Variants in DYSF observed in about 807,000 individuals in gnomAD.
DYSF encodes the protein dysferlin, also known as dystrophy-associated fer-1-like 1.
Under a neutral mutation model 274.9 loss-of-function variants are expected in DYSF, and 212 were observed. The observed-to-expected ratio is 0.77, with a 90% CI of 0.69 to 0.86. The LOEUF (loss-of-function observed/expected upper bound fraction) is 0.86. Ranked by LOEUF, DYSF falls within the 40% of genes least tolerant of loss-of-function variation. DYSF has a pLI of 0.00. For missense variants in DYSF, 2,666 were observed against 2,783.2 expected (o/e 0.96, Z 0.95); for synonymous variants, 1,091 against 1,078.7 (o/e 1.01, Z -0.22).
At chr2:71,570,809 A>G (rs2092375873) in intron 29 of DYSF, 68 bp downstream of exon 29, 2 of 1,599,198 alleles carry the variant, frequency 1.3e-6, no homozygotes, top group Non-Finnish European at 1.7e-6. Flanking sequence ...ACAGATGCAG[A>G]CCTGCATGCC....
intron 4 of DYSF, 56 bp downstream of exon 4, chr2:71,503,375 C>T: frequency 1.9e-6 from 3 of 1,559,908 alleles, no homozygotes; most frequent in Non-Finnish European, 1.8e-6. Context: ...CAGGTGGCTT[C>T]CTCTTTGGGC....
At chr2:71,546,811 G>T (rs1450353496) in intron 17 of DYSF, among the ~76,000 whole-genome samples, 1 of 152,262 alleles carries the variant, frequency 6.6e-6, no homozygotes, top group East Asian at 1.9e-4. Context: ...CGAGAGTCAG[G>T]CAGCCAGCCG....
rs1185823793 is a variant in DYSF, at chr2:71,569,917, G to A, written c.2962G>A (p.Asp988Asn). 2 of 1,613,986 alleles carry A rather than the reference G, an allele frequency of 1.2e-6. No homozygotes were observed. Among genetic ancestry groups the A allele is most frequent in the Non-Finnish European group, 1.7e-6 (2 of 1,180,022 alleles). ...LPGGQWIYMS[D>N]NYTDVNGEKV... ...CGGAGGCCAGTGGATCTACATGAGT[G>A]ACAACTACACCGATGTGGTAAAGCA... Residue 988 changes from aspartate to asparagine, a missense_variant, in exon 27 of 56, where the codon GAC (aspartate) becomes AAC (asparagine). Asp to Asn is a conservative substitution (Grantham distance 23, BLOSUM62 1). Around this residue, in one of 3 missense-constraint regions of DYSF, gnomAD observed 1,460 missense variants for 1,502.1 expected, o/e 0.97. Transcript: ENST00000410020.
At position 71,513,825 on chromosome 2, in the gene DYSF, A is replaced by G. The variant is rs1225760969; in HGVS notation, c.663A>G (p.Leu221=). The change falls in exon 7 of 56, where the codon CTA becomes CTG. Residue 221 remains leucine, a synonymous_variant. Transcript: ENST00000410020. ...GPGAPTTPRK[L]PSRPPPHYPG... is the part of the protein sequence containing the mutation. ...GGGCTCCCACCACCCCAAGGAAACTACCTTCACGTCCTCCGCCCCACTACC... is the reference window on the plus strand; with the variant it reads ...GGGCTCCCACCACCCCAAGGAAACTGCCTTCACGTCCTCCGCCCCACTACC... The G allele has an allele frequency of 1.9e-6, 3 of 1,614,168 alleles. No homozygotes were observed. Among genetic ancestry groups the G allele is most frequent in the Non-Finnish European group, 1.7e-6 (2 of 1,180,016 alleles).
intron 11 of DYSF, 47 bp from the exon 12 acceptor site, chr2:71,520,742 T>C (rs1321955605): frequency 6.4e-7 from 1 of 1,573,184 alleles, no homozygotes; most frequent in Non-Finnish European, 8.7e-7. Flanking sequence ...GGCCACAGCC[T>C]GGGGTCTTCT....
chr2:71,559,856 C>T (rs10189555), intron 22 of DYSF, among the ~76,000 whole-genome samples: 5,619 of 152,324 alleles, frequency 0.037, 142 homozygotes, highest in Middle Eastern at 0.065. Context: ...GCATCCAGTC[C>T]AAGCCCAGGG....
intron 3 of DYSF, among the ~76,000 whole-genome samples, chr2:71,499,484 T>C (rs1179988736): frequency 1.3e-5 from 2 of 152,268 alleles, no homozygotes; most frequent in East Asian, 3.8e-4. Context: ...TTGTGCTTTA[T>C]TAAAATAAAT....
intron 12 of DYSF, among the ~76,000 whole-genome samples, chr2:71,523,394 A>G (rs988321433): frequency 1.3e-5 from 2 of 152,216 alleles, no homozygotes; most frequent in Non-Finnish European, 2.9e-5. Context: ...AATGCTGTCC[A>G]GCTAAAAATT....
chr2:71,464,310 A>G (rs2081406632), upstream of DYSF, among the ~76,000 whole-genome samples: 1 of 152,266 alleles, frequency 6.6e-6, no homozygotes, highest in Non-Finnish European at 1.5e-5. Context: ...AGTGGACAAA[A>G]CAGACAAAAA....
At chr2:71,526,402 TGG>T in intron 13 of DYSF, 56 bp downstream of exon 13, 102 of 520,502 alleles carry the variant, frequency 2.0e-4, no homozygotes, top group East Asian at 1.5e-3. Flanking sequence ...GGCGCAGGGC[TGG>T]TGGGGGTGGG....
At chr2:71,470,673 CAAAA>C (rs776955310) in intron 1 of DYSF, among the ~76,000 whole-genome samples, 1 of 57,704 alleles carries the variant, frequency 1.7e-5, no homozygotes, top group African/African-American at 8.2e-5. Flanking sequence ...GACTCCATCT[CAAAA>C]AAAAAAAAAA....
At chr2:71,673,627 A>G (rs2095168875) in intron 51 of DYSF, among the ~76,000 whole-genome samples, 2 of 152,192 alleles carry the variant, frequency 1.3e-5, no homozygotes, top group East Asian at 3.9e-4. Flanking sequence ...CCCCACCCTG[A>G]CCCTGAGATG....
intron 55 of DYSF, 66 bp from the exon 56 acceptor site, chr2:71,686,388 C>T (rs925387593): frequency 6.3e-7 from 1 of 1,598,652 alleles, no homozygotes; most frequent in Non-Finnish European, 8.6e-7. Flanking sequence ...AGGTCTGGGA[C>T]AGCTGCTCTG....
At position 71,669,207 on chromosome 2, in the gene DYSF, G is replaced by T; in HGVS notation, c.5642G>T (p.Gly1881Val). 1 of 1,603,562 alleles carries T rather than the reference G, an allele frequency of 6.2e-7. No individual in the cohort carries two copies. Among genetic ancestry groups the T allele is most frequent in the Non-Finnish European group, 8.5e-7 (1 of 1,174,884 alleles). The change falls in exon 50 of 56, where the codon GGT becomes GTT. Residue 1881 changes from glycine (G) to valine (V), a missense_variant and splice_region_variant. Coordinates refer to ENST00000410020, the MANE Select transcript of DYSF (RefSeq NM_001130987.2). ...GEKMSDIYVK[G>V]WMIGFEEHKQ... ...AAGATGAGCGACATTTATGTGAAAG[G>T]GTAGGGAGCCAGCGTCCTCTTGCCT... is the stretch of plus-strand genomic sequence containing the variant.
At chr2:71,520,399 G>A (rs139831823) in intron 11 of DYSF, among the ~76,000 whole-genome samples, 191 bp downstream of exon 11, 2 of 152,308 alleles carry the variant, frequency 1.3e-5, no homozygotes, top group Non-Finnish European at 2.9e-5. Flanking sequence ...ACACTCACCT[G>A]TGTCTCCGTT....
At chr2:71,643,199 C>G (rs1455862900) in intron 41 of DYSF, among the ~76,000 whole-genome samples, 1 of 152,182 alleles carries the variant, frequency 6.6e-6, no homozygotes, top group Admixed American at 6.5e-5. Flanking sequence ...GGCCTGCAGA[C>G]ACACCATGTA....
intron 41 of DYSF, among the ~76,000 whole-genome samples, chr2:71,621,712 T>A (rs1017598824): frequency 3.3e-5 from 5 of 152,004 alleles, no homozygotes; most frequent in African/African-American, 1.2e-4. Flanking sequence ...CAGGCTAGAG[T>A]GCAGTGGCAT....
At chr2:71,612,342 C>T (rs1239343031) in intron 38 of DYSF, among the ~76,000 whole-genome samples, 3 of 152,160 alleles carry the variant, frequency 2.0e-5, no homozygotes, top group East Asian at 3.9e-4. Flanking sequence ...CGGGCCAACT[C>T]CCCTCGCCCG....
At position 71,660,603 on chromosome 2, in the gene DYSF, G is replaced by C. The variant is rs1224289578; in HGVS notation, c.4955G>C (p.Ser1652Thr). 3.1e-6 allele frequency: 5 copies of C among 1,614,062 alleles called. No homozygotes were observed. The highest frequency in any genetic ancestry group is 1.3e-5 in the African/African-American group (1 of 74,940). ...IKISIGKKSV[S>T]DQDNYIPCTL... ...ATCTCCATAGGGAAGAAATCAGTGA[G>C]TGACCAGGATAACTACATCCCCTGC... Residue 1652 changes from serine to threonine, a missense_variant, in exon 45 of 56, where the codon AGT (serine) becomes ACT (threonine). Ser to Thr is a moderately conservative substitution (Grantham distance 58). This residue lies in a region of DYSF where 1,460 missense variants were observed against 1,502.1 expected (regional missense o/e 0.97). Transcript: ENST00000410020.
Sources: gnomAD v4.1 joint callset for allele counts (sites outside exome capture counted in the v4.1 genomes callset) on GRCh38, gnomAD v4.1.1 for gene constraint, gnomAD v4.1.1 regional missense constraint, MANE v1.5 for transcripts, NCBI Gene and HGNC (gene_info 2026-07-23, HGNC 2026-07-21) for gene names.